Variants in POU6F2 observed in about 807,000 individuals in gnomAD.
The protein encoded by POU6F2 is POU class 6 homeobox 2, also known as POU domain, class 6, transcription factor 2.
POU6F2 carries 31 observed loss-of-function variants against 71.3 expected under a neutral mutation model. That is an observed-to-expected ratio of 0.43 (90% CI 0.33 to 0.59). The LOEUF (loss-of-function observed/expected upper bound fraction) is 0.59, where lower values mean the gene tolerates loss of function less well. Among genes scored for constraint, POU6F2 ranks in the 20% least tolerant of loss-of-function variants. The probability of loss-of-function intolerance (pLI) is 0.04; values close to 1 mark genes in which losing one functional copy is unlikely to be tolerated. For missense variants in POU6F2, 783 were observed against 856.8 expected (o/e 0.91, Z 1.07); for synonymous variants, 347 against 355.7 (o/e 0.98, Z 0.27).
chr7:39,269,693 C>T (rs1005190980), intron 4 of POU6F2, among the ~76,000 whole-genome samples: 15 of 152,100 alleles, frequency 9.9e-5, no homozygotes, highest in African/African-American at 3.4e-4. Context: ...GCAAGCACCC[C>T]CTGAGCCTGT....
intron 2 of POU6F2, among the ~76,000 whole-genome samples, chr7:39,117,889 C>A (rs1031048730): frequency 6.6e-6 from 1 of 152,162 alleles, no homozygotes; most frequent in Admixed American, 6.5e-5. Context: ...TCAGGGACAC[C>A]CAGCCCAGCA....
Position 39,460,895 on chromosome 7 carries a change from T to C in POU6F2, c.1658+180T>C, listed in dbSNP as rs1013831310. Among the ~76,000 whole-genome samples the C allele has an allele frequency of 2.0e-5, 3 of 152,036 alleles. No individual in the cohort carries two copies. Among genetic ancestry groups the C allele is most frequent in the Non-Finnish European group, 4.4e-5 (3 of 68,018 alleles). ...ATGCAAACGACGCTGCTGAAGCAAATTTGGGGGTCCTGGCTTGATAACTCC... is the reference window on the plus strand; with the variant it reads ...ATGCAAACGACGCTGCTGAAGCAAACTTGGGGGTCCTGGCTTGATAACTCC... On this transcript the variant is annotated intron_variant, in intron 9 of 9. Transcript: ENST00000518318. This position sits in a 1 kb window ranked among gnomAD's most constrained non-coding sequence, Gnocchi z 4.4.
rs1794310688 is a variant in POU6F2 at position 39,219,707 on chromosome 7, A to G, written c.598+12087A>G. Reference sequence around the variant, plus strand: ...CCTCCCAACTGTGCTTACCAAGTTTATAGCCAAAACTAAAAAAATAAAAAA... The same window carrying G: ...CCTCCCAACTGTGCTTACCAAGTTTGTAGCCAAAACTAAAAAAATAAAAAA... On this transcript the variant is annotated intron_variant, in intron 4 of 9. Coordinates refer to ENST00000518318, the MANE Select transcript of POU6F2 (RefSeq NM_001370959.1). Among the ~76,000 whole-genome samples, 3 of 152,212 alleles carry G rather than the reference A, an allele frequency of 2.0e-5. No individual in the cohort carries two copies. In the South Asian group the frequency reaches 6.2e-4, roughly 32 times the overall value.
intron 2 of POU6F2, among the ~76,000 whole-genome samples, chr7:39,109,487 G>A (rs2128725246): frequency 6.6e-6 from 1 of 152,302 alleles, no homozygotes; most frequent in East Asian, 1.9e-4. Flanking sequence ...AATAAATTCT[G>A]CCTGATGAGT....
intron 1 of POU6F2, among the ~76,000 whole-genome samples, chr7:39,042,969 C>T (rs1402219482): frequency 1.3e-5 from 2 of 151,976 alleles, no homozygotes; most frequent in African/African-American, 4.8e-5. Context: ...CCTGCCAGGA[C>T]ATGAATAACA....
chr7:39,177,045 T>C (rs1793346308), intron 2 of POU6F2, among the ~76,000 whole-genome samples: 1 of 152,204 alleles, frequency 6.6e-6, no homozygotes, highest in Non-Finnish European at 1.5e-5. Flanking sequence ...TTTAAAATCT[T>C]TTTTCCACTC....
At chr7:39,145,019 T>C (rs181701079) in intron 2 of POU6F2, among the ~76,000 whole-genome samples, 3 of 152,318 alleles carry the variant, frequency 2.0e-5, no homozygotes, top group Non-Finnish European at 1.5e-5. Flanking sequence ...TTCCTTCACA[T>C]AGCAGCACAT....
At chr7:39,349,461 G>C (rs1022802292) in intron 5 of POU6F2, among the ~76,000 whole-genome samples, 1 of 152,146 alleles carries the variant, frequency 6.6e-6, no homozygotes, top group Non-Finnish European at 1.5e-5. Flanking sequence ...AACTGGGAGA[G>C]TGCATGCCTT....
At chr7:39,059,503 TAA>T (rs11407203) in intron 1 of POU6F2, among the ~76,000 whole-genome samples, 29 of 138,038 alleles carry the variant, frequency 2.1e-4, no homozygotes, top group Admixed American at 5.1e-4. Flanking sequence ...TGTCTGTAAT[TAA>T]AAAAAAAAAA....
intron 7 of POU6F2, among the ~76,000 whole-genome samples, chr7:39,442,612 TTTGA>T (rs1211302861): frequency 7.9e-5 from 12 of 152,240 alleles, no homozygotes; most frequent in Non-Finnish European, 1.3e-4. Flanking sequence ...ACTATTTCTG[TTTGA>T]TTCTCTACCT....
chr7:39,056,541 G>A (rs949550455), intron 1 of POU6F2, among the ~76,000 whole-genome samples: 7 of 151,832 alleles, frequency 4.6e-5, no homozygotes, highest in East Asian at 1.9e-4. Flanking sequence ...TATGGATAAA[G>A]TGTTGACTTC....
chr7:39,006,328 G>T (rs1584493142), intron 1 of POU6F2, among the ~76,000 whole-genome samples: 1 of 152,218 alleles, frequency 6.6e-6, no homozygotes, highest in East Asian at 1.9e-4. Flanking sequence ...GCCAGGTGTG[G>T]TGGCACACAC....
chr7:39,229,800 G>A (rs1794539832), intron 4 of POU6F2, among the ~76,000 whole-genome samples: 2 of 152,222 alleles, frequency 1.3e-5, no homozygotes, highest in South Asian at 4.1e-4. Context: ...AACAATGTGT[G>A]TAATCCTGGA....
In POU6F2 at chr7:39,248,881, A is replaced by G. The variant is rs1287396944; in HGVS notation, c.598+41261A>G. ...GCCCATCTTGCTCAGTGGTTTTCAGAGTCAGAAACAATAGCATTTCTCACA... is the reference window on the plus strand; with the variant it reads ...GCCCATCTTGCTCAGTGGTTTTCAGGGTCAGAAACAATAGCATTTCTCACA... On this transcript the variant is annotated intron_variant, in intron 4 of 9. Coordinates refer to ENST00000518318, the MANE Select transcript of POU6F2 (RefSeq NM_001370959.1). 2.0e-5 allele frequency among the ~76,000 whole-genome samples: 3 copies of G among 152,270 alleles called. No homozygotes were observed. The East Asian group carries it at 5.8e-4, about 29-fold the overall frequency.
chr7:38,982,822 T>C (rs1042278497), intron 1 of POU6F2, among the ~76,000 whole-genome samples: 1 of 152,110 alleles, frequency 6.6e-6, no homozygotes, highest in Non-Finnish European at 1.5e-5. Context: ...CTCTAACATA[T>C]GCAGAGAGGT....
chr7:39,454,231 G>T (rs1330705518), intron 8 of POU6F2, among the ~76,000 whole-genome samples: 1 of 152,112 alleles, frequency 6.6e-6, no homozygotes, highest in African/African-American at 2.4e-5. Context: ...TGTAGAGTTG[G>T]AGTGCACCAC....
At chr7:39,277,444 C>A (rs1209190079) in intron 4 of POU6F2, among the ~76,000 whole-genome samples, 1 of 152,072 alleles carries the variant, frequency 6.6e-6, no homozygotes, top group African/African-American at 2.4e-5. Flanking sequence ...CTATTGTTCC[C>A]ATCTTTATGT....
intron 1 of POU6F2, among the ~76,000 whole-genome samples, chr7:39,071,968 A>G (rs1250223028): frequency 1.3e-5 from 2 of 152,200 alleles, no homozygotes; most frequent in Non-Finnish European, 2.9e-5. Flanking sequence ...TGGCATACTA[A>G]GGAAATAAGT....
chr7:39,313,987 C>A (rs561823586), intron 4 of POU6F2, among the ~76,000 whole-genome samples: 1 of 152,280 alleles, frequency 6.6e-6, no homozygotes, highest in South Asian at 2.1e-4. Flanking sequence ...GTCCAGAGAG[C>A]CCCCAACTTC....
Sources: allele counts gnomAD v4.1 joint callset (sites outside exome capture counted in the v4.1 genomes callset), GRCh38; gene constraint gnomAD v4.1.1; non-coding constraint Gnocchi (gnomAD v3.1); transcripts MANE v1.5; gene names NCBI Gene and HGNC (gene_info 2026-07-23, HGNC 2026-07-21).